ADGRV1: variants seen among roughly 807,000 people sequenced by gnomAD.
The protein encoded by ADGRV1 is G-protein coupled receptor 98.
Under a neutral mutation model 596.2 loss-of-function variants are expected in ADGRV1, and 359 were observed. That is an observed-to-expected ratio of 0.60 (90% confidence interval 0.55 to 0.66). The LOEUF is 0.66. Ranked by LOEUF, ADGRV1 falls within the 30% of genes least tolerant of loss-of-function variation. The pLI, the probability that ADGRV1 is intolerant of heterozygous loss-of-function variation, is 0.00. For missense variants in ADGRV1, 7,274 were observed against 7,575.6 expected (o/e 0.96, Z 1.48); for synonymous variants, 2,681 against 2,679.2 (o/e 1.00, Z -0.02).
chr5:90,817,039 G>A (rs568657941), intron 75 of ADGRV1, among the ~76,000 whole-genome samples: 1 of 152,270 alleles, frequency 6.6e-6, no homozygotes, highest in East Asian at 1.9e-4. Context: ...CAGTGTAAAA[G>A]TGTTCCTATT....
intron 71 of ADGRV1, among the ~76,000 whole-genome samples, chr5:90,804,489 C>A (rs143918724): frequency 1.1e-4 from 16 of 152,224 alleles, no homozygotes; most frequent in African/African-American, 3.8e-4. Flanking sequence ...GTTTCTTTTC[C>A]TCTGTGGCTC....
At chr5:90,955,382 A>G (rs1465748892) in intron 83 of ADGRV1, among the ~76,000 whole-genome samples, 2 of 152,160 alleles carry the variant, frequency 1.3e-5, no homozygotes, top group Non-Finnish European at 2.9e-5. Context: ...TATTGTCTAT[A>G]CTTCTGGCCT....
chr5:91,053,785 A>G (rs1786564945), intron 85 of ADGRV1, among the ~76,000 whole-genome samples: 1 of 152,162 alleles, frequency 6.6e-6, no homozygotes, highest in South Asian at 2.1e-4. Flanking sequence ...AACACTGTCT[A>G]AGTTACTGCA....
intron 16 of ADGRV1, among the ~76,000 whole-genome samples, chr5:90,646,677 G>C (rs945584339): frequency 6.6e-6 from 1 of 151,508 alleles, no homozygotes. Flanking sequence ...TTGAATCCTT[G>C]TTGTCAGCTA....
intron 84 of ADGRV1, among the ~76,000 whole-genome samples, chr5:90,973,740 A>G (rs1422118853): frequency 2.0e-5 from 3 of 152,190 alleles, no homozygotes; most frequent in East Asian, 1.9e-4. Context: ...CCTACAACCA[A>G]TATCATACTG....
intron 7 of ADGRV1, 120 bp from the exon 8 acceptor site, chr5:90,628,442 T>C: frequency 1.2e-6 from 1 of 806,100 alleles, no homozygotes; most frequent in Non-Finnish European, 2.0e-6. Context: ...TCAGTTATTT[T>C]TTTGTTGTAT....
At position 90,959,556 on chromosome 5, in the gene ADGRV1, GA is replaced by G. The variant is rs1777786938; in HGVS notation, c.17857-5856del. 2.0e-5 allele frequency among the ~76,000 whole-genome samples: 3 copies of G among 152,048 alleles called. No individual in the cohort carries two copies. The South Asian group carries it at 6.2e-4, about 32-fold the overall frequency. ...TAGAACCTAACACTACCCTTTTCAA[GA>G]AATATAGCTACAGTAACCTAGATGA... On this transcript the variant is annotated intron_variant, in intron 83 of 89. Coordinates refer to ENST00000405460, the MANE Select transcript of ADGRV1 (RefSeq NM_032119.4).
chr5:91,039,379 G>A (rs1407018815), intron 85 of ADGRV1, among the ~76,000 whole-genome samples: 6 of 152,158 alleles, frequency 3.9e-5, no homozygotes, highest in Non-Finnish European at 8.8e-5. Flanking sequence ...AGGCCTACAC[G>A]GTCCATCTGA....
At chr5:90,948,963 G>A (rs1197875176) in intron 83 of ADGRV1, among the ~76,000 whole-genome samples, 1 of 152,010 alleles carries the variant, frequency 6.6e-6, no homozygotes, top group Non-Finnish European at 1.5e-5. Context: ...ATTAACACTA[G>A]CATGAAATAG....
At chr5:90,999,638 T>C (rs548313323) in intron 85 of ADGRV1, among the ~76,000 whole-genome samples, 81 of 152,232 alleles carry the variant, frequency 5.3e-4, no homozygotes, top group African/African-American at 1.9e-3. Context: ...ATTTTAGTGA[T>C]AAAATGGAAA....
At chr5:90,928,719 A>T (rs565210587) in intron 83 of ADGRV1, among the ~76,000 whole-genome samples, 1 of 150,642 alleles carries the variant, frequency 6.6e-6, no homozygotes, top group Non-Finnish European at 1.5e-5. Context: ...TGCTTTTTAG[A>T]GTTTCCCGTT....
chr5:90,990,791 T>C (rs76312753), intron 85 of ADGRV1, among the ~76,000 whole-genome samples: 2,196 of 152,326 alleles, frequency 0.014, 75 homozygotes, highest in East Asian at 0.14. Flanking sequence ...TTGCTATTGG[T>C]TACCCGAAGT....
rs181464971 is a variant in ADGRV1, at chr5:91,060,649, G to A, written c.18153-11798G>A. 1.6e-3 allele frequency among the ~76,000 whole-genome samples: 249 copies of A among 152,236 alleles called. 4 individuals are homozygous for A. Among genetic ancestry groups the A allele is most frequent in the Admixed American group, 0.012 (188 of 15,282 alleles). On this transcript the variant is annotated intron_variant, in intron 85 of 89. Coordinates refer to ENST00000405460, the MANE Select transcript of ADGRV1 (RefSeq NM_032119.4). ...AAACAGAGTATGACTAACTTTAACC[G>A]ATGATTTCTTAATGGTTTTAAGTTA...
chr5:90,667,872 T>G (rs1277266007), intron 21 of ADGRV1, among the ~76,000 whole-genome samples: 1 of 152,084 alleles, frequency 6.6e-6, no homozygotes, highest in Admixed American at 6.5e-5. Context: ...CCCTGCCGTG[T>G]GAGGTGTCAG....
chr5:90,866,313 A>ATG (rs768538026), intron 83 of ADGRV1, among the ~76,000 whole-genome samples: 32 of 20,512 alleles, frequency 1.6e-3, no homozygotes, highest in South Asian at 6.9e-3. Context: ...GTGTATGTGT[A>ATG]TATGTGTGTG....
At chr5:91,147,081 C>T (rs769681183) in intron 87 of ADGRV1, among the ~76,000 whole-genome samples, 3 of 150,318 alleles carry the variant, frequency 2.0e-5, no homozygotes, top group Admixed American at 6.7e-5. Flanking sequence ...GTGGGAGTAT[C>T]GCTTGAGCCT....
At chr5:91,047,463 A>G (rs1785934422) in intron 85 of ADGRV1, among the ~76,000 whole-genome samples, 1 of 152,196 alleles carries the variant, frequency 6.6e-6, no homozygotes, top group African/African-American at 2.4e-5. Context: ...TGATGTTTGA[A>G]GATAGGAAGC....
intron 89 of ADGRV1, among the ~76,000 whole-genome samples, chr5:91,155,650 C>G (rs1302906767): frequency 6.6e-6 from 1 of 152,136 alleles, no homozygotes; most frequent in African/African-American, 2.4e-5. Flanking sequence ...CTTTCCAGAA[C>G]ACTAGCAATA....
At chr5:90,932,725 C>T (rs748896327) in intron 83 of ADGRV1, among the ~76,000 whole-genome samples, 4 of 86,642 alleles carry the variant, frequency 4.6e-5, no homozygotes, top group Non-Finnish European at 1.1e-4. Flanking sequence ...CTGCAAAAGA[C>T]AAACAGTGAT....
Sources: allele counts gnomAD v4.1 joint callset (sites outside exome capture counted in the v4.1 genomes callset), GRCh38; gene constraint gnomAD v4.1.1; transcripts MANE v1.5; gene names NCBI Gene and HGNC (gene_info 2026-07-23, HGNC 2026-07-21).